Variants in HEXIM2 observed in about 807,000 individuals in gnomAD.
The protein encoded by HEXIM2 is HEXIM P-TEFb complex subunit 2.
For missense variants in HEXIM2, 413 were observed against 390.8 expected (o/e 1.06, Z -0.48); for synonymous variants, 159 against 162.7 (o/e 0.98, Z 0.17).
chr17:45,165,566 TA>T (rs1250551014), intron 3 of HEXIM2, among the ~76,000 whole-genome samples: 1 of 152,048 alleles, frequency 6.6e-6, no homozygotes, highest in African/African-American at 2.4e-5. Context: ...ACAACAGAGA[TA>T]AACAGATGCC....
chr17:45,161,729 A>T, upstream of HEXIM2: 1 of 577,048 alleles, frequency 1.7e-6, no homozygotes, highest in Non-Finnish European at 2.2e-6. Context: ...CCAATCAAAG[A>T]AGGCAGTGAT....
chr17:45,163,162 G>C (rs1234922832), intron 3 of HEXIM2, among the ~76,000 whole-genome samples: 1 of 151,782 alleles, frequency 6.6e-6, no homozygotes, highest in Non-Finnish European at 1.5e-5. Context: ...TGGCTGTACT[G>C]AAAATGCAAA....
intron 3 of HEXIM2, among the ~76,000 whole-genome samples, chr17:45,164,394 G>T (rs942635394): frequency 1.3e-5 from 2 of 152,194 alleles, no homozygotes; most frequent in Non-Finnish European, 2.9e-5. Flanking sequence ...GGCGGAGTTT[G>T]CAGTGAACTG....
Position 45,169,247 on chromosome 17 carries a change from G to T in HEXIM2, c.299G>T (p.Arg100Met). The T allele has an allele frequency of 6.2e-7, 1 of 1,613,772 alleles. No homozygotes were observed. Residue 100 changes from arginine to methionine, a missense_variant, in exon 4 of 4, where the codon AGG (arginine) becomes ATG (methionine). Transcript: ENST00000589230. ...KHRRRPSKRK[R>M]HWRPYLELSW... Reference sequence around the variant, plus strand: ...CGTCGGCGGCCATCGAAGCGCAAAAGGCACTGGCGACCCTACCTGGAGCTG... The same window carrying T: ...CGTCGGCGGCCATCGAAGCGCAAAATGCACTGGCGACCCTACCTGGAGCTG...
Position 45,169,012 on chromosome 17 carries a change from T to G in HEXIM2, c.67-3T>G. ...CATCCTTCTTCCTCCTCCCTCTCTT[T>G]AGACCTCTGGTGCCCCGGGGAGCCC... On this transcript the variant is annotated splice_region_variant and splice_polypyrimidine_tract_variant and intron_variant, in intron 3 of 3. Transcript: ENST00000589230. The G allele has an allele frequency of 6.2e-7, 1 of 1,602,528 alleles. No homozygotes were observed. The highest frequency in any genetic ancestry group is 8.5e-7 in the Non-Finnish European group (1 of 1,174,000).
intron 3 of HEXIM2, among the ~76,000 whole-genome samples, chr17:45,164,189 C>T (rs865872853): frequency 1.8e-4 from 27 of 151,348 alleles, no homozygotes; most frequent in African/African-American, 6.1e-4. Flanking sequence ...GGTGCAGTGG[C>T]TCACGCCTGT....
intron 3 of HEXIM2, among the ~76,000 whole-genome samples, chr17:45,166,310 A>C (rs1435127352): frequency 6.6e-6 from 1 of 151,786 alleles, no homozygotes; most frequent in Admixed American, 6.6e-5. Context: ...AATTTTTGGT[A>C]GAGATGGGGT....
chr17:45,169,916 C>A lies in HEXIM2; in HGVS notation c.*107C>A. 1.1e-6 allele frequency: 1 copy of A among 889,868 alleles called. No homozygotes were observed. The highest frequency in any genetic ancestry group is 1.6e-6 in the Non-Finnish European group (1 of 621,948). 55.1% of individuals were successfully genotyped at this position (889,868 alleles called of 1,614,324 possible). On this transcript the variant is annotated 3_prime_UTR_variant, in exon 4 of 4. Coordinates refer to ENST00000589230, the MANE Select transcript of HEXIM2 (RefSeq NM_001303441.2). ...TGGCAGATGAAAACCACCGTCAACACCCTGTGCGCCCTGAGAACAGCTAAA... is the reference window on the plus strand; with the variant it reads ...TGGCAGATGAAAACCACCGTCAACAACCTGTGCGCCCTGAGAACAGCTAAA...
rs542553361 is a variant in HEXIM2, at chr17:45,162,580, G to A, written c.-100G>A. On this transcript the variant is annotated 5_prime_UTR_variant, in exon 2 of 4. Transcript: ENST00000589230. ...ATCCCATTTGGCCCCTTGCTGGCTG[G>A]AGGTGTGAAAACCAGCGGTGGAGGC... is the stretch of plus-strand genomic sequence containing the variant. The A allele has an allele frequency of 1.1e-4, 149 of 1,405,122 alleles. No homozygotes were observed. In the Admixed American group the frequency reaches 2.0e-3, roughly 19 times the overall value. The allele number at this position is 1,405,122 out of a possible 1,614,324, so 87.0% of individuals were successfully genotyped here. A position where few individuals can be genotyped will look rare whatever the true frequency, so the allele number is the denominator to read the frequency against.
At chr17:45,161,277 G>A, upstream of HEXIM2, 1 of 325,498 alleles carries the variant, frequency 3.1e-6, no homozygotes, top group Non-Finnish European at 6.2e-6. Flanking sequence ...CGCACTCTGT[G>A]AGAGGCGAGG....
intron 3 of HEXIM2, 32 bp downstream of exon 3, chr17:45,162,891 C>T: frequency 7.0e-7 from 1 of 1,422,496 alleles, no homozygotes; most frequent in Middle Eastern, 2.2e-4. Context: ...CACCCAAGCA[C>T]CACGAGCACG....
Position 45,169,999 on chromosome 17 carries a change from C to A in HEXIM2, c.*190C>A. 1 of 477,626 alleles carries A rather than the reference C, an allele frequency of 2.1e-6. No individual in the cohort carries two copies. Among genetic ancestry groups the A allele is most frequent in the Non-Finnish European group, 3.6e-6 (1 of 276,452 alleles). 29.6% of individuals were successfully genotyped at this position (477,626 alleles called of 1,614,324 possible). A position where few individuals can be genotyped will look rare whatever the true frequency, so the allele number is the denominator to read the frequency against. On this transcript the variant is annotated 3_prime_UTR_variant, in exon 4 of 4. Transcript: ENST00000589230. ...GTTGGCTCTTTTGTGTCATCTTACCCTTTACAGAGAAATTAAATGGCCTTG... is the reference window on the plus strand; with the variant it reads ...GTTGGCTCTTTTGTGTCATCTTACCATTTACAGAGAAATTAAATGGCCTTG...
rs181843007 is a variant in HEXIM2, at chr17:45,165,929, G to A, written c.66+3070G>A. 1.1e-4 allele frequency among the ~76,000 whole-genome samples: 17 copies of A among 152,088 alleles called. No individual in the cohort carries two copies. The South Asian group carries it at 2.1e-3, about 19-fold the overall frequency. On this transcript the variant is annotated intron_variant, in intron 3 of 3. Coordinates refer to ENST00000589230, the MANE Select transcript of HEXIM2 (RefSeq NM_001303441.2). ...CCTACCTCAGCCTCCCAAGTAGCTG[G>A]GATTACAGGTGCGTGCCACCACACC... is the stretch of plus-strand genomic sequence containing the variant.
chr17:45,162,540 G>A lies in HEXIM2; in HGVS notation c.-140G>A. ...TGAGGGACCCGAGGAGCAGGACAGA[G>A]AAGACGGCCCCTGAATCCCATTTGG... On this transcript the variant is annotated 5_prime_UTR_variant, in exon 2 of 4. Coordinates refer to ENST00000589230, the MANE Select transcript of HEXIM2 (RefSeq NM_001303441.2). 1 of 1,342,300 alleles carries A rather than the reference G, an allele frequency of 7.4e-7. No homozygotes were observed. The highest frequency in any genetic ancestry group is 9.6e-7 in the Non-Finnish European group (1 of 1,041,820). 83.1% of individuals were successfully genotyped at this position (1,342,300 alleles called of 1,614,324 possible).
chr17:45,169,844 G>T lies in HEXIM2; in HGVS notation c.*35G>T. On this transcript the variant is annotated 3_prime_UTR_variant, in exon 4 of 4. Transcript: ENST00000589230. Reference sequence around the variant, plus strand: ...CCAGCCTGGTGGACCCAAGGAGAAGGTCCCATTTCGTGCACACTCAGGCCA... The same window carrying T: ...CCAGCCTGGTGGACCCAAGGAGAAGTTCCCATTTCGTGCACACTCAGGCCA... 4 of 1,419,426 alleles carry T rather than the reference G, an allele frequency of 2.8e-6. No individual in the cohort carries two copies. Among genetic ancestry groups the T allele is most frequent in the Non-Finnish European group, 3.7e-6 (4 of 1,089,234 alleles). 87.9% of individuals were successfully genotyped at this position (1,419,426 alleles called of 1,614,324 possible).
intron 3 of HEXIM2, among the ~76,000 whole-genome samples, chr17:45,165,840 G>A (rs913143266): frequency 2.0e-5 from 3 of 151,862 alleles, no homozygotes; most frequent in African/African-American, 7.3e-5. Context: ...TGTTGCCCAG[G>A]CTGGAGTGCA....
intron 3 of HEXIM2, among the ~76,000 whole-genome samples, chr17:45,168,210 G>A (rs919566142): frequency 6.7e-6 from 1 of 150,302 alleles, no homozygotes. Flanking sequence ...GGCCTTGCGC[G>A]GTGGCTCACA....
chr17:45,165,881 G>A (rs1453968402), intron 3 of HEXIM2, among the ~76,000 whole-genome samples: 1 of 151,540 alleles, frequency 6.6e-6, no homozygotes, highest in African/African-American at 2.4e-5. Context: ...TGCAACCTCC[G>A]CCTCCCAGGT....
At chr17:45,164,856 G>C (rs1482566206) in intron 3 of HEXIM2, among the ~76,000 whole-genome samples, 1 of 152,134 alleles carries the variant, frequency 6.6e-6, no homozygotes, top group African/African-American at 2.4e-5. Context: ...AGGTCAGAGA[G>C]CTTCTGACCC....
Sources: gnomAD v4.1 joint callset for allele counts (sites outside exome capture counted in the v4.1 genomes callset) on GRCh38, gnomAD v4.1.1 for gene constraint, MANE v1.5 for transcripts, NCBI Gene and HGNC (gene_info 2026-07-23, HGNC 2026-07-21) for gene names.